RBM20: variants seen among roughly 807,000 people sequenced by gnomAD.
RBM20 encodes the protein RNA-binding protein 20.
In RBM20, 51 loss-of-function variants were observed where a neutral mutation model predicts 110.1. The observed-to-expected ratio is 0.46, with a 90% confidence interval of 0.37 to 0.59. The LOEUF (loss-of-function observed/expected upper bound fraction) is 0.59. Ranked by LOEUF, RBM20 falls within the 20% of genes least tolerant of loss-of-function variation. The pLI, the probability that RBM20 is intolerant of heterozygous loss-of-function variation, is 0.00. For missense variants in RBM20, 1,512 were observed against 1,574.9 expected (o/e 0.96, Z 0.68); for synonymous variants, 589 against 618.2 (o/e 0.95, Z 0.70).
intron 1 of RBM20, among the ~76,000 whole-genome samples, chr10:110,770,012 C>T (rs558245632): frequency 4.6e-5 from 7 of 152,218 alleles, no homozygotes; most frequent in Admixed American, 2.0e-4. Context: ...AGGCCACTAC[C>T]CCCAGCCACC....
intron 1 of RBM20, among the ~76,000 whole-genome samples, chr10:110,748,683 TTC>T (rs970403384): frequency 1.3e-5 from 2 of 150,338 alleles, no homozygotes; most frequent in Admixed American, 6.6e-5. Context: ...CTCTCTCTCT[TTC>T]TCTCTCTCTC....
At chr10:110,781,914 C>T in intron 2 of RBM20, 30 bp downstream of exon 2, 1 of 1,551,518 alleles carries the variant, frequency 6.4e-7, no homozygotes, top group East Asian at 2.4e-5. Context: ...CTGGGAGCCA[C>T]AGCTAGAAGC....
intron 1 of RBM20, among the ~76,000 whole-genome samples, chr10:110,768,065 C>CA (rs1202913016): frequency 2.6e-5 from 4 of 152,166 alleles, no homozygotes; most frequent in Admixed American, 6.5e-5. Context: ...CCGTCTCCAC[C>CA]AAAAAAATAC....
intron 1 of RBM20, among the ~76,000 whole-genome samples, chr10:110,775,484 A>T (rs1844249644): frequency 6.6e-6 from 1 of 152,210 alleles, no homozygotes; most frequent in Non-Finnish European, 1.5e-5. Context: ...ACTCTACTGC[A>T]CTTCAGCTGT....
intron 1 of RBM20, among the ~76,000 whole-genome samples, chr10:110,648,235 T>C (rs1861896910): frequency 6.6e-6 from 1 of 152,228 alleles, no homozygotes; most frequent in Non-Finnish European, 1.5e-5. Flanking sequence ...TGATCTATAG[T>C]CTTCCGTATA....
rs181240780 is a variant in RBM20 at position 110,653,694 on chromosome 10, T to C, written c.191+9049T>C. On this transcript the variant is annotated intron_variant, in intron 1 of 13. Transcript: ENST00000369519. The stretch of plus-strand genomic sequence containing the variant: ...CCTCAACCTTCCAAGTAGCTGGTAC[T>C]GTAGACGTGCACCACCACGCTCTCC... Among the ~76,000 whole-genome samples, 341 of 152,288 alleles carry C rather than the reference T, an allele frequency of 2.2e-3. 2 individuals are homozygous for C. The highest frequency in any genetic ancestry group is 3.6e-3 in the Non-Finnish European group (246 of 68,030).
chr10:110,656,551 C>A (rs1187595214), intron 1 of RBM20, among the ~76,000 whole-genome samples: 4 of 152,044 alleles, frequency 2.6e-5, no homozygotes, highest in African/African-American at 9.7e-5. Context: ...TGTTATGCAA[C>A]CATCACCACT....
chr10:110,751,708 T>G (rs1447561997), intron 1 of RBM20, among the ~76,000 whole-genome samples: 1 of 152,134 alleles, frequency 6.6e-6, no homozygotes, highest in Non-Finnish European at 1.5e-5. Flanking sequence ...GATGAAACCA[T>G]TTTTGGAGAA....
chr10:110,720,448 G>A (rs1211293572), intron 1 of RBM20, among the ~76,000 whole-genome samples: 1 of 152,184 alleles, frequency 6.6e-6, no homozygotes, highest in Non-Finnish European at 1.5e-5. Flanking sequence ...CGCGGGACTG[G>A]AACATAGCCA....
chr10:110,698,196 C>A (rs941866234), intron 1 of RBM20, among the ~76,000 whole-genome samples: 2 of 152,208 alleles, frequency 1.3e-5, no homozygotes, highest in Non-Finnish European at 2.9e-5. Flanking sequence ...GCGTGAGCCA[C>A]CGCGCCCGGC....
Position 110,739,385 on chromosome 10 carries a change from G to T in RBM20, c.192-41416G>T, listed in dbSNP as rs1414938804. On this transcript the variant is annotated intron_variant, in intron 1 of 13. Coordinates refer to ENST00000369519, the MANE Select transcript of RBM20 (RefSeq NM_001134363.3). The surrounding 1 kb of genome is among the most constrained non-coding windows in gnomAD (Gnocchi z 4.1). ...TCCTGGACACTAGGGATTCAGCAGT[G>T]AACAAAAACAGACAAAATTCCCCAA... Among the ~76,000 whole-genome samples, 1 of 152,146 alleles carries T rather than the reference G, an allele frequency of 6.6e-6. No individual in the cohort carries two copies. The highest frequency in any genetic ancestry group is 1.5e-5 in the Non-Finnish European group (1 of 68,022).
intron 13 of RBM20, among the ~76,000 whole-genome samples, chr10:110,831,675 A>AAAAC (rs1554844385): frequency 2.2e-5 from 3 of 139,474 alleles, no homozygotes; most frequent in East Asian, 4.3e-4. Context: ...ATAAAAAAAA[A>AAAAC]AAAAAAAAAA....
intron 2 of RBM20, 28 bp downstream of exon 2, chr10:110,781,912 C>T: frequency 6.4e-7 from 1 of 1,551,544 alleles, no homozygotes; most frequent in African/African-American, 1.4e-5. Context: ...GGCTGGGAGC[C>T]ACAGCTAGAA....
At chr10:110,670,782 C>T (rs949351306) in intron 1 of RBM20, among the ~76,000 whole-genome samples, 1 of 152,134 alleles carries the variant, frequency 6.6e-6, no homozygotes, top group Admixed American at 6.5e-5. Flanking sequence ...CATAACAACA[C>T]GACTGTAACA....
chr10:110,821,743 A>T lies in RBM20; in HGVS notation c.3124A>T (p.Thr1042Ser). 2.6e-6 allele frequency: 4 copies of T among 1,551,800 alleles called. No individual in the cohort carries two copies. The highest frequency in any genetic ancestry group is 3.5e-6 in the Non-Finnish European group (4 of 1,147,022). ...VESSDVHPAP[T>S]VQQMSSPKPA... ...GAGCTCAGATGTTCATCCAGCCCCT[A>T]CAGTCCAGCAAATGTCTTCCCCTAA... Residue 1042 changes from threonine (T) to serine (S), a missense_variant, in exon 11 of 14, where the codon ACA becomes TCA. Physicochemically the swap from Thr to Ser is moderately conservative, Grantham distance 58. This residue lies in a region of RBM20 where 358 missense variants were observed against 384.2 expected (regional missense o/e 0.93). Coordinates refer to ENST00000369519, the MANE Select transcript of RBM20 (RefSeq NM_001134363.3).
chr10:110,823,431 C>CTTTT (rs201149204), intron 11 of RBM20, 49 bp from the exon 12 acceptor site: 5 of 1,303,070 alleles, frequency 3.8e-6, no homozygotes, highest in African/African-American at 4.0e-5. Flanking sequence ...TGTTGTATTT[C>CTTTT]TTTTTTTTTT....
At chr10:110,770,317 A>G (rs140025109) in intron 1 of RBM20, among the ~76,000 whole-genome samples, 1 of 152,328 alleles carries the variant, frequency 6.6e-6, no homozygotes, top group African/African-American at 2.4e-5. Context: ...TCTCTGCACC[A>G]TGGCCAGATC....
At chr10:110,797,335 G>T (rs897456107) in intron 5 of RBM20, among the ~76,000 whole-genome samples, 173 bp from the exon 6 acceptor site, 1 of 152,092 alleles carries the variant, frequency 6.6e-6, no homozygotes, top group African/African-American at 2.4e-5. Flanking sequence ...TAAAGAGATA[G>T]AATAAAATTG....
intron 6 of RBM20, among the ~76,000 whole-genome samples, chr10:110,799,138 G>T (rs1432509033): frequency 6.6e-6 from 1 of 152,188 alleles, no homozygotes; most frequent in Non-Finnish European, 1.5e-5. Context: ...TATAAGGAAA[G>T]TAGAACTCAA....
Sources: gnomAD v4.1 joint callset for allele counts (sites outside exome capture counted in the v4.1 genomes callset) on GRCh38, gnomAD v4.1.1 for gene constraint, gnomAD v4.1.1 regional missense constraint, Gnocchi (gnomAD v3.1) non-coding constraint, MANE v1.5 for transcripts, NCBI Gene and HGNC (gene_info 2026-07-23, HGNC 2026-07-21) for gene names.